The following ZNF197 variants were observed in gnomAD, a reference collection of about 807,000 sequenced individuals.
ZNF197 encodes the protein VHL-associated KRAB-A domain-containing protein.
Under a neutral mutation model 27.4 loss-of-function variants are expected in ZNF197, and 14 were observed. That is an observed-to-expected ratio of 0.51 (90% CI 0.34 to 0.80). The LOEUF (loss-of-function observed/expected upper bound fraction) is 0.80, where lower values mean the gene tolerates loss of function less well. Ranked by LOEUF, ZNF197 falls within the 30% of genes least tolerant of loss-of-function variation. The probability of loss-of-function intolerance (pLI) is 0.02; values close to 1 mark genes in which losing one functional copy is unlikely to be tolerated. For synonymous variants in ZNF197, 415 were observed against 420.0 expected, an observed-to-expected ratio of 0.99 and a Z score of 0.15; for missense variants, 1,090 against 1,222.6, an observed-to-expected ratio of 0.89 and a Z score of 1.62.
Position 44,643,677 on chromosome 3 carries a change from T to C in ZNF197, c.2547T>C (p.Ser849=), listed in dbSNP as rs1339650880. Reference sequence around the variant, plus strand: ...CTGGTGAGAAGCCCTATGCGTGTAGTGAGTGTGGAAAAGGTTTTACGTACA... The same window carrying C: ...CTGGTGAGAAGCCCTATGCGTGTAGCGAGTGTGGAAAAGGTTTTACGTACA... ...IHTGEKPYAC[S]ECGKGFTYNR... is the part of the protein sequence containing the mutation. Residue 849 remains serine, a synonymous_variant, in exon 6 of 6, where the codon AGT becomes AGC. Coordinates refer to ENST00000344387, the MANE Select transcript of ZNF197 (RefSeq NM_006991.5). 6.2e-7 allele frequency: 1 copy of C among 1,613,952 alleles called. No individual in the cohort carries two copies. Among genetic ancestry groups the C allele is most frequent in the Non-Finnish European group, 8.5e-7 (1 of 1,180,010 alleles).
At chr3:44,625,748 GCGCACACACA>G (rs1299859508) in intron 1 of ZNF197, among the ~76,000 whole-genome samples, 1,283 of 90,904 alleles carry the variant, frequency 0.014, 20 homozygotes, top group African/African-American at 0.051. Context: ...GCGCGCGCGC[GCGCACACACA>G]CACACACACA....
In ZNF197 at chr3:44,625,750, GCACACACACACA is replaced by G. The variant is rs56833441; in HGVS notation, c.-82+633_-82+644del. ...AATGCTGGCCTTTGCGCGCGCGCGC[GCACACACACACA>G]CACACACACACACACACACACACAC... On this transcript the variant is annotated intron_variant, in intron 1 of 5. Coordinates refer to ENST00000344387, the MANE Select transcript of ZNF197 (RefSeq NM_006991.5). 3.5e-3 allele frequency among the ~76,000 whole-genome samples: 517 copies of G among 149,034 alleles called. 1 individual carries two copies. The highest frequency in any genetic ancestry group is 9.8e-3 in the African/African-American group (395 of 40,166).
rs2272045 is a variant in ZNF197 at position 44,632,169 on chromosome 3, A to C, written c.615A>C (p.Ala205=). ...QEENPRNQLM[A]LMLLTAQPQE... is the part of the protein sequence containing the mutation. ...AGAACCCAAGAAATCAATTAATGGC[A>C]CTTATGCTCCTAACAGCCCAGCCCC... Residue 205 remains alanine (A), a synonymous_variant, in exon 4 of 6, where the codon GCA becomes GCC. Transcript: ENST00000344387. 6.2e-7 allele frequency: 1 copy of C among 1,613,974 alleles called. No individual in the cohort carries two copies. The highest frequency in any genetic ancestry group is 8.5e-7 in the Non-Finnish European group (1 of 1,180,022).
In ZNF197 at chr3:44,629,556, A is replaced by G. The variant is rs1318117453; in HGVS notation, c.390+12A>G. The G allele has an allele frequency of 3.3e-6, 5 of 1,538,406 alleles. No homozygotes were observed. The South Asian group carries it at 6.4e-5, about 20-fold the overall frequency. On this transcript the variant is annotated intron_variant, in intron 2 of 5. Coordinates refer to ENST00000344387, the MANE Select transcript of ZNF197 (RefSeq NM_006991.5). ...GACCAGCAATACAAGTGAGAAAGAC[A>G]GGGAGGGGCGGTGGGTGTTGGGATG...
chr3:44,646,296 C>T lies in ZNF197; in HGVS notation c.*2076C>T. 1 of 985,280 alleles carries T rather than the reference C, an allele frequency of 1.0e-6. No homozygotes were observed. Among genetic ancestry groups the T allele is most frequent in the African/African-American group, 1.7e-5 (1 of 57,300 alleles). 61.0% of individuals were successfully genotyped at this position (985,280 alleles called of 1,614,324 possible). A position where few individuals can be genotyped will look rare whatever the true frequency, so the allele number is the denominator to read the frequency against. On this transcript the variant is annotated 3_prime_UTR_variant, in exon 6 of 6. Coordinates refer to ENST00000344387, the MANE Select transcript of ZNF197 (RefSeq NM_006991.5). ...GTTTCATCCAGGTTGTTGAATCATCCCAGCTTATATAATAATTACAAAGGA... is the reference window on the plus strand; with the variant it reads ...GTTTCATCCAGGTTGTTGAATCATCTCAGCTTATATAATAATTACAAAGGA...
chr3:44,639,258 A>T (rs867377916), intron 5 of ZNF197, among the ~76,000 whole-genome samples: 1 of 152,150 alleles, frequency 6.6e-6, no homozygotes, highest in Non-Finnish European at 1.5e-5. Flanking sequence ...GTTTGTATTC[A>T]TAAGCTATAT....
At chr3:44,626,345 A>T (rs572598894) in intron 1 of ZNF197, among the ~76,000 whole-genome samples, 1 of 151,144 alleles carries the variant, frequency 6.6e-6, no homozygotes, top group Non-Finnish European at 1.5e-5. Context: ...GACTCTCTTC[A>T]TGCTCAGAGT....
At chr3:44,637,947 T>C (rs1702390775) in intron 5 of ZNF197, among the ~76,000 whole-genome samples, 1 of 152,214 alleles carries the variant, frequency 6.6e-6, no homozygotes, top group South Asian at 2.1e-4. Context: ...CTAGGTCTCT[T>C]GACTTTCCAT....
At chr3:44,635,882 C>G (rs1702259562) in intron 5 of ZNF197, among the ~76,000 whole-genome samples, 1 of 152,054 alleles carries the variant, frequency 6.6e-6, no homozygotes, top group African/African-American at 2.4e-5. Flanking sequence ...AGTTCCTCCA[C>G]CAGGAAGGAA....
In ZNF197 at chr3:44,643,430, G is replaced by A. The variant is rs200300015; in HGVS notation, c.2300G>A (p.Cys767Tyr). The change falls in exon 6 of 6, where the codon TGT becomes TAT. Residue 767 changes from cysteine (C) to tyrosine (Y), a missense_variant. By Grantham distance (194) the Cys-to-Tyr change is radical. Transcript: ENST00000344387. ...TGEKPFECSE[C>Y]GRAFSSNRNL... ...GAAAAACCCTTTGAATGCAGTGAGTGTGGAAGAGCTTTCAGTTCAAACAGA... is the reference window on the plus strand; with the variant it reads ...GAAAAACCCTTTGAATGCAGTGAGTATGGAAGAGCTTTCAGTTCAAACAGA... The A allele has an allele frequency of 1.2e-6, 2 of 1,614,220 alleles. No homozygotes were observed. Among genetic ancestry groups the A allele is most frequent in the Non-Finnish European group, 1.7e-6 (2 of 1,180,046 alleles).
intron 5 of ZNF197, among the ~76,000 whole-genome samples, chr3:44,638,868 G>GT (rs1702447391): frequency 6.6e-6 from 1 of 151,938 alleles, no homozygotes; most frequent in Non-Finnish European, 1.5e-5. Flanking sequence ...CTAATTATTT[G>GT]TTTTTATTTT....
chr3:44,626,397 T>C (rs1032548923), intron 1 of ZNF197, among the ~76,000 whole-genome samples: 1 of 152,006 alleles, frequency 6.6e-6, no homozygotes, highest in African/African-American at 2.4e-5. Context: ...CCAGAAGTCG[T>C]AAAAGATTGA....
In ZNF197 at chr3:44,626,794, T is replaced by TA. The variant is rs148089268; in HGVS notation, c.-82+1652dup. ...ATTGGCAATATCAAAATTATACATG[T>TA]ATATACCTTTTAACTCAGCAATTCT... On this transcript the variant is annotated intron_variant, in intron 1 of 5. Transcript: ENST00000344387. Among the ~76,000 whole-genome samples the TA allele has an allele frequency of 8.6e-3, 1,309 of 152,334 alleles. 12 individuals are homozygous for TA. The highest frequency in any genetic ancestry group is 0.03 in the African/African-American group (1,247 of 41,560).
chr3:44,629,455 T>C lies in ZNF197; in HGVS notation c.301T>C (p.Trp101Arg), dbSNP rs914197611. The C allele has an allele frequency of 6.2e-7, 1 of 1,613,638 alleles. No homozygotes were observed. Among genetic ancestry groups the C allele is most frequent in the Non-Finnish European group, 8.5e-7 (1 of 1,179,732 alleles). ...CATCCTGCCTGGGGAGATTCGGACC[T>C]GGGTACAGCTCCATCACCCTGGAAG... is the stretch of plus-strand genomic sequence containing the variant. The part of the protein sequence containing the change: ...LSILPGEIRT[W>R]VQLHHPGSGE... Residue 101 changes from tryptophan to arginine, a missense_variant, in exon 2 of 6, where the codon TGG (tryptophan) becomes CGG (arginine). By Grantham distance (101) the Trp-to-Arg change is moderately radical. Coordinates refer to ENST00000344387, the MANE Select transcript of ZNF197 (RefSeq NM_006991.5).
At position 44,632,979 on chromosome 3, in the gene ZNF197, T is replaced by A. The variant is rs560676554; in HGVS notation, c.769+380T>A. On this transcript the variant is annotated intron_variant, in intron 5 of 5. Coordinates refer to ENST00000344387, the MANE Select transcript of ZNF197 (RefSeq NM_006991.5). ...TTATTTTAGATAACTGCTATAATAA[T>A]CATCTGTCTCTGTGCCTAAGGCCTT... Among the ~76,000 whole-genome samples the A allele has an allele frequency of 6.7e-4, 102 of 152,342 alleles. 1 individual carries two copies. The highest frequency in any genetic ancestry group is 3.4e-3 in the Middle Eastern group (1 of 294).
Position 44,632,538 on chromosome 3 carries a change from A to C in ZNF197, c.708A>C (p.Pro236=). ...CAGAGGAATGGGCATGTCTGGGCCC[A>C]ATCCAGAGGGCCTTGTACTGGGATG... ...FTSEEWACLG[P]IQRALYWDVM... Residue 236 remains proline, a synonymous_variant, in exon 5 of 6, where the codon CCA becomes CCC. Transcript: ENST00000344387. The C allele has an allele frequency of 6.2e-7, 1 of 1,610,942 alleles. No individual in the cohort carries two copies. The highest frequency in any genetic ancestry group is 8.5e-7 in the Non-Finnish European group (1 of 1,178,700).
At chr3:44,632,344 C>T in intron 4 of ZNF197, 129 bp from the exon 5 acceptor site, 1 of 1,482,660 alleles carries the variant, frequency 6.7e-7, no homozygotes, top group South Asian at 1.3e-5. Context: ...CATGTGATCT[C>T]CTTATGTCTC....
chr3:44,643,320 A>G lies in ZNF197; in HGVS notation c.2190A>G (p.Gln730=). The G allele has an allele frequency of 1.2e-6, 2 of 1,613,786 alleles. No homozygotes were observed. Among genetic ancestry groups the G allele is most frequent in the Non-Finnish European group, 8.5e-7 (1 of 1,179,912 alleles). ...SFMVHQKLHT[Q]EKAYKCEDCG... is the part of the protein sequence containing the mutation. ...TGGTCCATCAGAAACTCCATACACA[A>G]GAGAAAGCCTACAAATGTGAGGATT... is the stretch of plus-strand genomic sequence containing the variant. The change falls in exon 6 of 6, where the codon CAA becomes CAG. Residue 730 remains glutamine, a synonymous_variant. Transcript: ENST00000344387.
intron 5 of ZNF197, among the ~76,000 whole-genome samples, chr3:44,634,265 T>C (rs899375578): frequency 2.6e-5 from 4 of 152,210 alleles, no homozygotes; most frequent in African/African-American, 9.6e-5. Flanking sequence ...ATATACTTCC[T>C]ATATATAGAA....
Sources: gnomAD v4.1 joint callset for allele counts (sites outside exome capture counted in the v4.1 genomes callset) on GRCh38, gnomAD v4.1.1 for gene constraint, MANE v1.5 for transcripts, NCBI Gene and HGNC (gene_info 2026-07-23, HGNC 2026-07-21) for gene names.